Variants in TGFB2 observed in about 807,000 individuals in gnomAD.
TGFB2 encodes the protein transforming growth factor beta 2.
Under a neutral mutation model 42.7 loss-of-function variants are expected in TGFB2, and 13 were observed. That is an observed-to-expected ratio of 0.30 (90% CI 0.20 to 0.48). The LOEUF (loss-of-function observed/expected upper bound fraction) is 0.48. Ranked by LOEUF, TGFB2 falls within the 20% of genes least tolerant of loss-of-function variation. The pLI is 0.99. For missense variants in TGFB2, 390 were observed against 517.5 expected (o/e 0.75, Z 2.39); for synonymous variants, 193 against 193.6 (o/e 1.00, Z 0.03).
chr1:218,421,799 TAA>T (rs917955295), intron 2 of TGFB2, among the ~76,000 whole-genome samples: 26 of 152,108 alleles, frequency 1.7e-4, no homozygotes, highest in African/African-American at 6.3e-4. Context: ...GGTGTCCTTA[TAA>T]AAAGACAGCC....
At chr1:218,365,023 C>T (rs137950403) in intron 1 of TGFB2, among the ~76,000 whole-genome samples, 3 of 152,126 alleles carry the variant, frequency 2.0e-5, no homozygotes, top group South Asian at 2.1e-4. Context: ...TTGAATACCC[C>T]CTATGTCCCT....
intron 2 of TGFB2, among the ~76,000 whole-genome samples, chr1:218,406,025 G>C (rs971520975): frequency 6.6e-6 from 1 of 152,102 alleles, no homozygotes; most frequent in Non-Finnish European, 1.5e-5. Flanking sequence ...TCATCCTATA[G>C]CTGTTTCTTT....
In TGFB2 at chr1:218,410,485, C is replaced by T. The variant is rs145441010; in HGVS notation, c.510+5153C>T. Among the ~76,000 whole-genome samples the T allele has an allele frequency of 8.9e-3, 1,356 of 152,226 alleles. 16 individuals are homozygous for T. Among genetic ancestry groups the T allele is most frequent in the African/African-American group, 0.031 (1,267 of 41,534 alleles). ...GATAGGAAAATAAAATCTTTCTTTC[C>T]TGCTTTCTCTAACCTCTTTCACGTT... On this transcript the variant is annotated intron_variant, in intron 2 of 6. Coordinates refer to ENST00000366930, the MANE Select transcript of TGFB2 (RefSeq NM_003238.6).
At chr1:218,425,242 C>A (rs1046116189) in intron 2 of TGFB2, among the ~76,000 whole-genome samples, 1 of 152,082 alleles carries the variant, frequency 6.6e-6, no homozygotes, top group South Asian at 2.1e-4. Flanking sequence ...GAGTCTTGCT[C>A]CATCACGGAG....
chr1:218,407,465 G>T (rs1038691059), intron 2 of TGFB2, among the ~76,000 whole-genome samples: 2 of 152,072 alleles, frequency 1.3e-5, no homozygotes, highest in Admixed American at 1.3e-4. Flanking sequence ...CTGTTTTTGA[G>T]ACTTTTAAAT....
intron 1 of TGFB2, among the ~76,000 whole-genome samples, chr1:218,362,233 G>A (rs1657234582): frequency 6.6e-6 from 1 of 152,178 alleles, no homozygotes; most frequent in South Asian, 2.1e-4. Flanking sequence ...TTCAAGTCAG[G>A]TCTGAATAGT....
chr1:218,354,527 T>C (rs1656971324), intron 1 of TGFB2, among the ~76,000 whole-genome samples: 1 of 152,234 alleles, frequency 6.6e-6, no homozygotes, highest in Non-Finnish European at 1.5e-5. Context: ...ATATGTACTC[T>C]TTAATACTCA....
At chr1:218,358,180 T>C (rs1209741871) in intron 1 of TGFB2, among the ~76,000 whole-genome samples, 1 of 152,254 alleles carries the variant, frequency 6.6e-6, no homozygotes, top group Non-Finnish European at 1.5e-5. Flanking sequence ...AGTCCACTGG[T>C]CTTTGCAAAT....
At chr1:218,426,631 G>A (rs946313387) in intron 2 of TGFB2, among the ~76,000 whole-genome samples, 1 of 152,190 alleles carries the variant, frequency 6.6e-6, no homozygotes, top group Non-Finnish European at 1.5e-5. Flanking sequence ...GCCAAAGACA[G>A]CTAAATCTTA....
At chr1:218,379,487 C>CTTTTTTTTT (rs59224313) in intron 1 of TGFB2, among the ~76,000 whole-genome samples, 3 of 133,408 alleles carry the variant, frequency 2.2e-5, no homozygotes, top group Non-Finnish European at 4.7e-5. Context: ...TTCTTTCTTT[C>CTTTTTTTTT]TTTTTTTTTT....
At chr1:218,417,943 T>C (rs1308654379) in intron 2 of TGFB2, among the ~76,000 whole-genome samples, 1 of 152,218 alleles carries the variant, frequency 6.6e-6, no homozygotes, top group Admixed American at 6.5e-5. Flanking sequence ...TGGAAATGCC[T>C]GGATGCCCAG....
chr1:218,442,004 T>C lies in TGFB2; in HGVS notation c.*642T>C, dbSNP rs1161785806. The C allele has an allele frequency of 6.6e-6, 1 of 151,966 alleles. No homozygotes were observed. The highest frequency in any genetic ancestry group is 1.5e-5 in the Non-Finnish European group (1 of 67,976). The allele number at this position is 151,966 out of a possible 1,614,324, so 9.4% of individuals were successfully genotyped here. ...TTAATGGGATGAAAACCCAAGTGAG[T>C]TATTATATGACCGAGAAAGTCTGCA... On this transcript the variant is annotated 3_prime_UTR_variant, in exon 7 of 7. Coordinates refer to ENST00000366930, the MANE Select transcript of TGFB2 (RefSeq NM_003238.6).
At position 218,443,007 on chromosome 1, in the gene TGFB2, T is replaced by C. The variant is rs566199229; in HGVS notation, c.*1645T>C. On this transcript the variant is annotated 3_prime_UTR_variant, in exon 7 of 7. Coordinates refer to ENST00000366930, the MANE Select transcript of TGFB2 (RefSeq NM_003238.6). ...ATATTCAGGGGGAAATTGAAAGATA[T>C]ATATTTTAGTCGATTTTTCAAAAGG... 4 of 152,302 alleles carry C rather than the reference T, an allele frequency of 2.6e-5. No individual in the cohort carries two copies. In the East Asian group the frequency reaches 5.8e-4, roughly 22 times the overall value. 9.4% of individuals were successfully genotyped at this position (152,302 alleles called of 1,614,324 possible).
intron 1 of TGFB2, among the ~76,000 whole-genome samples, chr1:218,393,340 TA>T: frequency 6.6e-6 from 1 of 152,354 alleles, no homozygotes; most frequent in Non-Finnish European, 1.5e-5. Flanking sequence ...GCAAAGATTT[TA>T]CCCTTCAGTT....
rs560705517 is a variant in TGFB2, at chr1:218,353,849, C to T, written c.346+6802C>T. Among the ~76,000 whole-genome samples, 6 of 152,174 alleles carry T rather than the reference C, an allele frequency of 3.9e-5. No homozygotes were observed. In the South Asian group the frequency reaches 6.2e-4, roughly 16 times the overall value. ...AGGCTGCAGTGAGCTATGACTGCCC[C>T]GCTGTCCTCCAGCCTGGGCAACAGA... On this transcript the variant is annotated intron_variant, in intron 1 of 6. Coordinates refer to ENST00000366930, the MANE Select transcript of TGFB2 (RefSeq NM_003238.6).
At chr1:218,406,754 C>G (rs1162043287) in intron 2 of TGFB2, among the ~76,000 whole-genome samples, 1 of 152,114 alleles carries the variant, frequency 6.6e-6, no homozygotes, top group Non-Finnish European at 1.5e-5. Context: ...GTACCTGATG[C>G]ATAGCGCTCA....
chr1:218,381,730 G>A (rs1657968142), intron 1 of TGFB2, among the ~76,000 whole-genome samples: 1 of 152,178 alleles, frequency 6.6e-6, no homozygotes, highest in Non-Finnish European at 1.5e-5. Flanking sequence ...GTTCCTAAAA[G>A]GGAAGGGGAT....
intron 2 of TGFB2, among the ~76,000 whole-genome samples, chr1:218,428,217 G>A (rs1335214053): frequency 1.3e-5 from 2 of 152,142 alleles, no homozygotes; most frequent in African/African-American, 4.8e-5. Flanking sequence ...TAAGTTCTTT[G>A]TAGATTCTGG....
intron 4 of TGFB2, among the ~76,000 whole-genome samples, chr1:218,435,129 C>T (rs1394407379): frequency 2.0e-5 from 3 of 152,132 alleles, no homozygotes; most frequent in African/African-American, 7.2e-5. Context: ...AAATCCATGC[C>T]TATGTGCCGA....
Sources: gnomAD v4.1 joint callset for allele counts (sites outside exome capture counted in the v4.1 genomes callset) on GRCh38, gnomAD v4.1.1 for gene constraint, MANE v1.5 for transcripts, NCBI Gene and HGNC (gene_info 2026-07-23, HGNC 2026-07-21) for gene names.